Variants in CELF2 observed in about 807,000 individuals in gnomAD.
CELF2 encodes the protein CUG triplet repeat RNA-binding protein 2.
A neutral mutation model predicts 62.6 loss-of-function variants in CELF2; 8 were observed. That is an observed-to-expected ratio of 0.13 (90% CI 0.07 to 0.23). The LOEUF is 0.23. Ranked by LOEUF, CELF2 falls within the 10% of genes least tolerant of loss-of-function variation. The probability of loss-of-function intolerance (pLI) is 1.00; values close to 1 mark genes in which losing one functional copy is unlikely to be tolerated. For synonymous variants in CELF2, 258 were observed against 250.0 expected (o/e 1.03, Z -0.30); for missense variants, 333 against 671.0 (o/e 0.50, Z 5.56).
rs2078299852 is a variant in CELF2, at chr10:11,255,117, C to T, written c.404-2621C>T. The stretch of plus-strand genomic sequence containing the variant: ...GCTTAGCTGTCGCGCCTGTGCTGCC[C>T]ATGACTGACCAGGCTTCACCAGTTC... On this transcript the variant is annotated intron_variant, in intron 4 of 12. Transcript: ENST00000633077. The surrounding 1 kb of genome is among the most constrained non-coding windows in gnomAD (Gnocchi z 5.5). Among the ~76,000 whole-genome samples the T allele has an allele frequency of 6.6e-6, 1 of 152,226 alleles. No individual in the cohort carries two copies. The highest frequency in any genetic ancestry group is 1.5e-5 in the Non-Finnish European group (1 of 68,036).
chr10:11,232,372 C>T (rs1226794083), intron 3 of CELF2, among the ~76,000 whole-genome samples: 2 of 152,200 alleles, frequency 1.3e-5, no homozygotes, highest in African/African-American at 2.4e-5. Flanking sequence ...ATTGTTTTCT[C>T]ATCAGTGACA....
intron 1 of CELF2, among the ~76,000 whole-genome samples, chr10:10,897,530 A>G (rs1487178074): frequency 2.0e-5 from 3 of 152,186 alleles, no homozygotes; most frequent in African/African-American, 7.2e-5. Context: ...TTCTCAACCT[A>G]TCCAGATAAT....
intron 2 of CELF2, among the ~76,000 whole-genome samples, chr10:10,925,891 C>A (rs1043062881): frequency 6.6e-6 from 1 of 152,182 alleles, no homozygotes; most frequent in South Asian, 2.1e-4. Context: ...CCAGACTCTG[C>A]GATCACAGCT....
intron 1 of CELF2, among the ~76,000 whole-genome samples, chr10:10,869,372 G>A (rs751646525): frequency 1.8e-4 from 27 of 152,046 alleles, no homozygotes; most frequent in Admixed American, 4.6e-4. Context: ...GACCAGCCTG[G>A]CCAACACAGT....
chr10:11,168,887 G>A (rs991020072), intron 2 of CELF2: 1 of 152,256 alleles, frequency 6.6e-6, no homozygotes, highest in Non-Finnish European at 1.5e-5. Context: ...TAACTCTGGG[G>A]ACTCTGGCTC....
rs911499621 is a variant in CELF2 at position 11,157,318 on chromosome 10, T to A, written c.75-8168T>A. On this transcript the variant is annotated intron_variant, in intron 1 of 12. Transcript: ENST00000633077. The surrounding 1 kb of genome is among the most constrained non-coding windows in gnomAD (Gnocchi z 4.9). ...GCCTTTTTCTCCCCAGTTTTTTGTT[T>A]CGTTTCAATGCCATTGCCAACTAGG... 6.6e-6 allele frequency among the ~76,000 whole-genome samples: 1 copy of A among 152,272 alleles called. No individual in the cohort carries two copies. The highest frequency in any genetic ancestry group is 2.1e-4 in the South Asian group (1 of 4,826).
At chr10:10,768,160 C>T in the CELF2 span, among the ~76,000 whole-genome samples, 90 of 146,054 alleles carry the variant, frequency 6.2e-4, no homozygotes, top group East Asian at 7.6e-3. Context: ...AGCAAGACTC[C>T]GTCTCAAAAA....
Position 10,993,932 on chromosome 10 carries a change from C to T in CELF2, c.89+73933C>T, listed in dbSNP as rs2053685057. On this transcript the variant is annotated intron_variant, in intron 2 of 13. Coordinates refer to the CELF2 transcript ENST00000636488. The surrounding 1 kb of genome is among the most constrained non-coding windows in gnomAD (Gnocchi z 5.3). ...AAAAAAGACACTAGAGATGTGCAGGCATAGGGAGAAGGCTCCAAGGAGAGG... is the reference window on the plus strand; with the variant it reads ...AAAAAAGACACTAGAGATGTGCAGGTATAGGGAGAAGGCTCCAAGGAGAGG... Among the ~76,000 whole-genome samples the T allele has an allele frequency of 1.3e-5, 2 of 152,148 alleles. No homozygotes were observed. The highest frequency in any genetic ancestry group is 6.5e-5 in the Admixed American group (1 of 15,268).
chr10:10,823,788 C>T (rs1382144266), intron 1 of CELF2, among the ~76,000 whole-genome samples: 11 of 152,102 alleles, frequency 7.2e-5, no homozygotes, highest in Admixed American at 2.0e-4. Context: ...ATTCTTGCAA[C>T]GACCCTGTAA....
the CELF2 span, among the ~76,000 whole-genome samples, chr10:10,467,080 A>G: frequency 6.6e-6 from 1 of 152,144 alleles, no homozygotes; most frequent in Non-Finnish European, 1.5e-5. Context: ...ATACCAACAT[A>G]CCACAATATA....
the CELF2 span, among the ~76,000 whole-genome samples, chr10:10,741,005 T>C: frequency 2.0e-5 from 3 of 152,162 alleles, no homozygotes; most frequent in East Asian, 5.8e-4. Context: ...AGGGATCTAA[T>C]ACACAGCAGG....
At chr10:11,077,390 G>A (rs968396798) in intron 1 of CELF2, among the ~76,000 whole-genome samples, 2 of 152,154 alleles carry the variant, frequency 1.3e-5, no homozygotes, top group African/African-American at 2.4e-5. Context: ...AATCCCAAGT[G>A]GGTCAGTTCT....
At chr10:10,999,955 C>T (rs1330026219) in intron 2 of CELF2, among the ~76,000 whole-genome samples, 9 of 152,202 alleles carry the variant, frequency 5.9e-5, no homozygotes. Flanking sequence ...TTTGCCTCCT[C>T]TAAAAATAGC....
At chr10:10,954,196 C>T (rs970032153) in intron 2 of CELF2, among the ~76,000 whole-genome samples, 2 of 147,338 alleles carry the variant, frequency 1.4e-5, no homozygotes, top group Admixed American at 1.4e-4. Context: ...CTATAGAGGG[C>T]AATTTGGCAA....
At chr10:10,960,712 G>A (rs1342952755) in intron 2 of CELF2, among the ~76,000 whole-genome samples, 1 of 152,196 alleles carries the variant, frequency 6.6e-6, no homozygotes, top group Non-Finnish European at 1.5e-5. Context: ...AACAGAGCAG[G>A]GCAGCAGAGA....
intron 1 of CELF2, among the ~76,000 whole-genome samples, chr10:10,800,735 A>G (rs1351851699): frequency 6.6e-6 from 1 of 152,188 alleles, no homozygotes; most frequent in Non-Finnish European, 1.5e-5. Flanking sequence ...CATTTTCATG[A>G]GTCCTTCAGT....
In CELF2 at chr10:11,257,760, C is replaced by A; in HGVS notation, c.426C>A (p.Phe142Leu). ...KSNAVEDRKL[F>L]IGMVSKKCNE... The stretch of plus-strand genomic sequence containing the variant: ...TAGCTGTGGAAGACAGAAAATTGTT[C>A]ATAGGAATGGTATCGAAGAAATGTA... Residue 142 changes from phenylalanine (F) to leucine (L), a missense_variant, in exon 5 of 13, where the codon TTC becomes TTA. Coordinates refer to ENST00000633077, the MANE Select transcript of CELF2 (RefSeq NM_001326342.2). 6.2e-7 allele frequency: 1 copy of A among 1,613,948 alleles called. No homozygotes were observed. Among genetic ancestry groups the A allele is most frequent in the South Asian group, 1.1e-5 (1 of 91,074 alleles).
intron 2 of CELF2, among the ~76,000 whole-genome samples, chr10:11,176,101 A>G (rs1452216171): frequency 1.3e-5 from 2 of 152,234 alleles, no homozygotes; most frequent in African/African-American, 2.4e-5. Context: ...GTGAGAGAAC[A>G]TTAGAGGAAC....
At chr10:10,908,214 A>AATTTTTTTT (rs2063501269) in intron 1 of CELF2, among the ~76,000 whole-genome samples, 5 of 83,738 alleles carry the variant, frequency 6.0e-5, no homozygotes. Context: ...GTATGAGGGG[A>AATTTTTTTT]TTTTTTTTTT....
Sources: allele counts gnomAD v4.1 joint callset (sites outside exome capture counted in the v4.1 genomes callset), GRCh38; gene constraint gnomAD v4.1.1; non-coding constraint Gnocchi (gnomAD v3.1); transcripts MANE v1.5; gene names NCBI Gene and HGNC (gene_info 2026-07-23, HGNC 2026-07-21).